Variants in SIPA1L1 observed in about 807,000 individuals in gnomAD.
SIPA1L1 encodes signal-induced proliferation-associated 1-like protein 1.
A neutral mutation model predicts 162.7 loss-of-function variants in SIPA1L1; 26 were observed. The observed-to-expected ratio is 0.16, with a 90% CI of 0.12 to 0.22. The LOEUF is 0.22. SIPA1L1 is among the 10% of genes least tolerant of loss of function. The pLI, the probability that SIPA1L1 is intolerant of heterozygous loss-of-function variation, is 1.00. For missense variants in SIPA1L1, 1,874 were observed against 2,241.0 expected, an observed-to-expected ratio of 0.84 and a Z score of 3.31; for synonymous variants, 829 against 837.4, an observed-to-expected ratio of 0.99 and a Z score of 0.17.
intron 2 of SIPA1L1, among the ~76,000 whole-genome samples, chr14:71,491,789 C>T (rs979728306): frequency 6.6e-6 from 1 of 151,260 alleles, no homozygotes; most frequent in African/African-American, 2.4e-5. Context: ...CACACACACA[C>T]ACACACACAC....
intron 2 of SIPA1L1, among the ~76,000 whole-genome samples, chr14:71,448,037 T>G (rs1365770464): frequency 6.6e-6 from 1 of 152,180 alleles, no homozygotes; most frequent in Non-Finnish European, 1.5e-5. Flanking sequence ...CAGAGATATT[T>G]TCTTGTGGCT....
chr14:71,690,509 A>G (rs1217092069), intron 13 of SIPA1L1, among the ~76,000 whole-genome samples: 5 of 151,966 alleles, frequency 3.3e-5, no homozygotes, highest in Non-Finnish European at 7.4e-5. Context: ...CAGCCTCCCA[A>G]AGTGCTGGGA....
At chr14:71,532,313 A>T (rs147526085) in intron 4 of SIPA1L1, among the ~76,000 whole-genome samples, 5 of 152,176 alleles carry the variant, frequency 3.3e-5, no homozygotes, top group Non-Finnish European at 7.3e-5. Context: ...GTGAACTGAT[A>T]TTACTCTTTT....
chr14:71,676,747 A>T (rs1400272825), intron 12 of SIPA1L1, among the ~76,000 whole-genome samples: 1 of 150,398 alleles, frequency 6.6e-6, no homozygotes, highest in East Asian at 2.0e-4. Context: ...TGTCCTTGTG[A>T]TAGTTTGCTG....
chr14:71,731,714 C>T (rs550885635), intron 20 of SIPA1L1, among the ~76,000 whole-genome samples: 1 of 152,370 alleles, frequency 6.6e-6, no homozygotes, highest in East Asian at 1.9e-4. Context: ...ATCTGTGTCC[C>T]ACACGTGGTC....
At chr14:71,604,030 T>G (rs1361155985) in intron 5 of SIPA1L1, among the ~76,000 whole-genome samples, 1 of 147,806 alleles carries the variant, frequency 6.8e-6, no homozygotes, top group African/African-American at 2.5e-5. Flanking sequence ...AAAGTTTTGC[T>G]CTCTCAACCA....
chr14:71,600,598 G>A (rs2036618639), intron 5 of SIPA1L1, among the ~76,000 whole-genome samples: 1 of 152,036 alleles, frequency 6.6e-6, no homozygotes. Flanking sequence ...GGTTCCATAT[G>A]AATTTTAGGA....
chr14:71,585,266 C>T (rs557037987), intron 4 of SIPA1L1, among the ~76,000 whole-genome samples: 209 of 151,872 alleles, frequency 1.4e-3, no homozygotes, highest in Non-Finnish European at 2.5e-3. Flanking sequence ...CGAACCTCAT[C>T]AGTTTTTACA....
At position 71,705,224 on chromosome 14, in the gene SIPA1L1, C is replaced by T. The variant is rs745918965; in HGVS notation, c.3649C>T (p.Pro1217Ser). Residue 1217 changes from proline (P) to serine (S), a missense_variant and splice_region_variant, in exon 16 of 24, where the codon CCA becomes TCA. Physicochemically the swap from Pro to Ser is moderately conservative, Grantham distance 74. Transcript: ENST00000381232. ...TAATGTCCTATGCTGTATTCCAGAG[C>T]CAACATGCCATCTCCCAGCAGTATC... ...SEDSIADQMEPTCHLPAVSKV... is the reference protein window; with the variant it reads ...SEDSIADQMESTCHLPAVSKV... 1.1e-5 allele frequency: 18 copies of T among 1,610,508 alleles called. No homozygotes were observed. The highest frequency in any genetic ancestry group is 4.4e-5 in the South Asian group (4 of 91,022).
intron 2 of SIPA1L1, among the ~76,000 whole-genome samples, chr14:71,397,482 A>G (rs2041296681): frequency 2.0e-5 from 3 of 147,542 alleles, no homozygotes; most frequent in Admixed American, 2.0e-4. Flanking sequence ...GTCTTTCACA[A>G]TACTATTGAA....
At chr14:71,393,671 T>A (rs1203249687) in intron 2 of SIPA1L1, among the ~76,000 whole-genome samples, 1 of 152,048 alleles carries the variant, frequency 6.6e-6, no homozygotes, top group African/African-American at 2.4e-5. Context: ...CAAAAAAAAC[T>A]TCAGCTGGGA....
At chr14:71,449,450 C>G (rs1393582005) in intron 2 of SIPA1L1, among the ~76,000 whole-genome samples, 2 of 152,148 alleles carry the variant, frequency 1.3e-5, no homozygotes, top group Non-Finnish European at 2.9e-5. Flanking sequence ...TCCTAGAGAG[C>G]TGAATTCACC....
At chr14:71,338,080 A>G (rs1200170126) in intron 2 of SIPA1L1, among the ~76,000 whole-genome samples, 1 of 152,136 alleles carries the variant, frequency 6.6e-6, no homozygotes, top group Admixed American at 6.5e-5. Flanking sequence ...GCCCCTGAAC[A>G]CTAGTTTTAT....
At chr14:71,426,799 A>T (rs2043601450) in intron 2 of SIPA1L1, among the ~76,000 whole-genome samples, 1 of 152,108 alleles carries the variant, frequency 6.6e-6, no homozygotes. Context: ...GCCTGAATTT[A>T]TACCAGCTTA....
intron 5 of SIPA1L1, among the ~76,000 whole-genome samples, chr14:71,594,973 A>AG (rs1295275592): frequency 3.3e-5 from 5 of 152,158 alleles, no homozygotes; most frequent in Admixed American, 3.3e-4. Context: ...TGGAAAGCAG[A>AG]GGTCCTCTCT....
intron 2 of SIPA1L1, among the ~76,000 whole-genome samples, chr14:71,399,303 A>C (rs1327913958): frequency 6.6e-6 from 1 of 152,240 alleles, no homozygotes; most frequent in Non-Finnish European, 1.5e-5. Context: ...CCTGTAAATG[A>C]GAGCAGTTTC....
At chr14:71,527,523 A>C (rs2053003336) in intron 3 of SIPA1L1, among the ~76,000 whole-genome samples, 1 of 152,034 alleles carries the variant, frequency 6.6e-6, no homozygotes, top group Admixed American at 6.6e-5. Flanking sequence ...TTAATTTGTA[A>C]GGAGTTCTTT....
At chr14:71,545,409 A>G (rs2055097240) in intron 4 of SIPA1L1, among the ~76,000 whole-genome samples, 1 of 152,120 alleles carries the variant, frequency 6.6e-6, no homozygotes, top group South Asian at 2.1e-4. Context: ...TACATCTTTC[A>G]TTAGATATAG....
chr14:71,456,165 A>G (rs1342426556), intron 2 of SIPA1L1, among the ~76,000 whole-genome samples: 5 of 152,224 alleles, frequency 3.3e-5, no homozygotes, highest in Admixed American at 2.6e-4. Flanking sequence ...GTGTAAAACA[A>G]CATCTCAAGT....
Sources: gnomAD v4.1 joint callset for allele counts (sites outside exome capture counted in the v4.1 genomes callset) on GRCh38, gnomAD v4.1.1 for gene constraint, MANE v1.5 for transcripts, NCBI Gene and HGNC (gene_info 2026-07-23, HGNC 2026-07-21) for gene names.